NSMCE2: variants seen among roughly 807,000 people sequenced by gnomAD.
The protein encoded by NSMCE2 is NSE2 SUMO ligase component of SMC5/6 complex, also known as E3 SUMO-protein ligase NSE2.
A neutral mutation model predicts 23.8 loss-of-function variants in NSMCE2; 24 were observed. The ratio of observed to expected loss-of-function variants is 1.01; its 90% CI spans 0.73 to 1.42. The LOEUF (loss-of-function observed/expected upper bound fraction) is 1.42. Ranked by LOEUF, NSMCE2 falls within the 40% of genes most tolerant of loss-of-function variation. The pLI, the probability that NSMCE2 is intolerant of heterozygous loss-of-function variation, is 0.00. For synonymous variants in NSMCE2, 92 were observed against 94.1 expected (o/e 0.98, Z 0.13); for missense variants, 284 against 296.5 (o/e 0.96, Z 0.31).
intron 3 of NSMCE2, among the ~76,000 whole-genome samples, chr8:125,122,817 G>A (rs1819334733): frequency 6.6e-6 from 1 of 152,046 alleles, no homozygotes; most frequent in South Asian, 2.1e-4. Context: ...AGATACAGGG[G>A]TTTGAAAAGA....
intron 5 of NSMCE2, among the ~76,000 whole-genome samples, chr8:125,234,526 C>T (rs1270457229): frequency 1.3e-5 from 2 of 152,152 alleles, no homozygotes; most frequent in Admixed American, 1.3e-4. Flanking sequence ...TAAAGTGTAA[C>T]TTTATTATAA....
At chr8:125,310,316 C>A (rs1828929743) in intron 5 of NSMCE2, among the ~76,000 whole-genome samples, 1 of 151,918 alleles carries the variant, frequency 6.6e-6, no homozygotes, top group Non-Finnish European at 1.5e-5. Flanking sequence ...CTTTTTTGCT[C>A]CTCAGTTTTT....
At chr8:125,178,984 C>T (rs1166826539) in intron 4 of NSMCE2, among the ~76,000 whole-genome samples, 1 of 152,114 alleles carries the variant, frequency 6.6e-6, no homozygotes, top group African/African-American at 2.4e-5. Context: ...GAGGGAAGAC[C>T]ATTTGATGCC....
chr8:125,288,022 C>T (rs1170920521), intron 5 of NSMCE2, among the ~76,000 whole-genome samples: 1 of 152,170 alleles, frequency 6.6e-6, no homozygotes, highest in Non-Finnish European at 1.5e-5. Context: ...GACAGGGTCT[C>T]GGTATGTTGC....
At chr8:125,197,766 A>G (rs1488277033) in intron 5 of NSMCE2, among the ~76,000 whole-genome samples, 1 of 152,220 alleles carries the variant, frequency 6.6e-6, no homozygotes, top group Non-Finnish European at 1.5e-5. Context: ...CATTGAATCT[A>G]TAAATTACTT....
chr8:125,359,210 T>C (rs1813417568), intron 7 of NSMCE2, among the ~76,000 whole-genome samples: 1 of 139,870 alleles, frequency 7.1e-6, no homozygotes, highest in Admixed American at 7.6e-5. Flanking sequence ...GAGCTTGCAG[T>C]GAGCCGAGAT....
intron 5 of NSMCE2, among the ~76,000 whole-genome samples, chr8:125,223,285 G>A (rs1429883748): frequency 3.3e-5 from 5 of 150,176 alleles, no homozygotes; most frequent in Non-Finnish European, 5.9e-5. Context: ...TTGAACCCCA[G>A]AAGCAGAGGT....
chr8:125,262,653 C>T (rs570148309), intron 5 of NSMCE2, among the ~76,000 whole-genome samples: 1 of 152,254 alleles, frequency 6.6e-6, no homozygotes, highest in Non-Finnish European at 1.5e-5. Flanking sequence ...CTTTTAGCTC[C>T]ACAATCTGGT....
intron 4 of NSMCE2, among the ~76,000 whole-genome samples, chr8:125,178,562 T>C: frequency 6.6e-6 from 1 of 152,154 alleles, no homozygotes; most frequent in Admixed American, 6.5e-5. Flanking sequence ...TATTTGGAAA[T>C]CAGGTATTTA....
intron 5 of NSMCE2, among the ~76,000 whole-genome samples, chr8:125,205,419 T>A (rs1172307059): frequency 6.6e-6 from 1 of 152,188 alleles, no homozygotes; most frequent in African/African-American, 2.4e-5. Context: ...ATTCAACTCA[T>A]AATCTAATAT....
At chr8:125,243,363 G>T (rs1409789550) in intron 5 of NSMCE2, among the ~76,000 whole-genome samples, 2 of 152,094 alleles carry the variant, frequency 1.3e-5, no homozygotes, top group African/African-American at 2.4e-5. Context: ...GAGAAATTTG[G>T]ATTTGATTTT....
chr8:125,149,842 G>T (rs191254263), intron 3 of NSMCE2, among the ~76,000 whole-genome samples: 1 of 152,046 alleles, frequency 6.6e-6, no homozygotes, highest in African/African-American at 2.4e-5. Context: ...GGTATGTAAG[G>T]TTTTTTTGTT....
At chr8:125,326,959 A>G (rs1278039225) in intron 5 of NSMCE2, among the ~76,000 whole-genome samples, 1 of 142,188 alleles carries the variant, frequency 7.0e-6, no homozygotes, top group Non-Finnish European at 1.5e-5. Flanking sequence ...TCCATTTCAA[A>G]AAAAAAAAGA....
intron 5 of NSMCE2, among the ~76,000 whole-genome samples, chr8:125,290,381 C>T (rs1163541277): frequency 6.6e-6 from 1 of 151,898 alleles, no homozygotes; most frequent in African/African-American, 2.4e-5. Context: ...GGAAAAGGGA[C>T]TAGGAACAAG....
intron 4 of NSMCE2, among the ~76,000 whole-genome samples, chr8:125,179,056 C>A (rs1293198818): frequency 6.6e-6 from 1 of 152,104 alleles, no homozygotes; most frequent in Admixed American, 6.6e-5. Flanking sequence ...AGAACTGTGA[C>A]AAACTAAATT....
chr8:125,179,607 CTT>C (rs1194423579), intron 4 of NSMCE2, among the ~76,000 whole-genome samples: 1 of 152,232 alleles, frequency 6.6e-6, no homozygotes, highest in African/African-American at 2.4e-5. Context: ...CAGACTCAAA[CTT>C]TCAGAGAAGA....
intron 5 of NSMCE2, among the ~76,000 whole-genome samples, chr8:125,272,834 T>C (rs1309172660): frequency 2.4e-5 from 2 of 82,768 alleles, no homozygotes; most frequent in African/African-American, 4.7e-5. Flanking sequence ...CACATATATA[T>C]ACACACGTAT....
At chr8:125,305,017 A>C (rs551466878) in intron 5 of NSMCE2, among the ~76,000 whole-genome samples, 31 of 152,130 alleles carry the variant, frequency 2.0e-4, no homozygotes, top group African/African-American at 7.5e-4. Flanking sequence ...GAAAGAAAGA[A>C]GGAAGGAAAG....
At chr8:125,120,750 G>A (rs1457038405) in intron 3 of NSMCE2, among the ~76,000 whole-genome samples, 1 of 152,204 alleles carries the variant, frequency 6.6e-6, no homozygotes, top group East Asian at 1.9e-4. Context: ...TATGAACCTA[G>A]TTTGGAGGAG....
Sources: gnomAD v4.1 joint callset for allele counts (sites outside exome capture counted in the v4.1 genomes callset) on GRCh38, gnomAD v4.1.1 for gene constraint, MANE v1.5 for transcripts, NCBI Gene and HGNC (gene_info 2026-07-23, HGNC 2026-07-21) for gene names.